The following OR2L3 variants were observed in gnomAD, a reference collection of about 807,000 sequenced individuals.
OR2L3 encodes the protein olfactory receptor family 2 subfamily L member 3.
For missense variants in OR2L3, 369 were observed against 376.6 expected (o/e 0.98, Z 0.17); for synonymous variants, 131 against 139.1 (o/e 0.94, Z 0.41).
At chr1:248,059,706 T>A (rs1663560337) in intron 1 of OR2L3, among the ~76,000 whole-genome samples, 1 of 152,182 alleles carries the variant, frequency 6.6e-6, no homozygotes, top group Non-Finnish European at 1.5e-5. Context: ...TTCAAGTTTC[T>A]CAAAATAGCA....
At position 248,061,379 on chromosome 1, in the gene OR2L3, G is replaced by A. The variant is rs763274602; in HGVS notation, c.698G>A (p.Arg233Lys). 17 of 1,613,968 alleles carry A rather than the reference G, an allele frequency of 1.1e-5. No individual in the cohort carries two copies. The highest frequency in any genetic ancestry group is 6.7e-5 in the Admixed American group (4 of 59,992). Residue 233 changes from arginine to lysine, a missense_variant, in exon 2 of 2, where the codon AGG becomes AAG. By Grantham distance (26) the Arg-to-Lys change is conservative (BLOSUM62 2). Coordinates refer to ENST00000359959, the MANE Select transcript of OR2L3 (RefSeq NM_001004687.2). ...TACCACATGAAATCTGCAGAAGGGA[G>A]GAAGAAAGCCTACCTGACCTGCAGC... is the stretch of plus-strand genomic sequence containing the variant. ...AVYHMKSAEG[R>K]KKAYLTCSTH...
chr1:248,061,386 A>G lies in OR2L3; in HGVS notation c.705A>G (p.Lys235=), dbSNP rs751729451. Residue 235 remains lysine (K), a synonymous_variant, in exon 2 of 2, where the codon AAA becomes AAG. Transcript: ENST00000359959. ...TGAAATCTGCAGAAGGGAGGAAGAAAGCCTACCTGACCTGCAGCACCCACC... is the reference window on the plus strand; with the variant it reads ...TGAAATCTGCAGAAGGGAGGAAGAAGGCCTACCTGACCTGCAGCACCCACC... The part of the protein sequence containing the change: ...YHMKSAEGRK[K]AYLTCSTHLT... 54 of 1,613,908 alleles carry G rather than the reference A, an allele frequency of 3.3e-5. 1 individual carries two copies. The Middle Eastern group carries it at 2.5e-3, about 74-fold the overall frequency.
intron 1 of OR2L3, among the ~76,000 whole-genome samples, chr1:248,053,109 C>T (rs933411025): frequency 1.3e-4 from 20 of 152,058 alleles, no homozygotes; most frequent in African/African-American, 4.8e-4. Context: ...TCCCCTCCAC[C>T]GCCCTCCCAC....
In OR2L3 at chr1:248,062,600, G is replaced by A. The variant is rs1663679400; in HGVS notation, c.*980G>A. On this transcript the variant is annotated 3_prime_UTR_variant, in exon 2 of 2. Coordinates refer to ENST00000359959, the MANE Select transcript of OR2L3 (RefSeq NM_001004687.2). ...TACAGGGGAGGGACGATAAAGTGGG[G>A]ATGGCTAATAGTTGCAAAAATATAA... 1 of 152,222 alleles carries A rather than the reference G, an allele frequency of 6.6e-6. No individual in the cohort carries two copies. The highest frequency in any genetic ancestry group is 2.1e-4 in the South Asian group (1 of 4,832). 9.4% of individuals were successfully genotyped at this position (152,222 alleles called of 1,614,324 possible). A position where few individuals can be genotyped will look rare whatever the true frequency, so the allele number is the denominator to read the frequency against.
At chr1:248,052,755 A>G (rs1663310613) in intron 1 of OR2L3, among the ~76,000 whole-genome samples, 2 of 152,108 alleles carry the variant, frequency 1.3e-5, no homozygotes, top group South Asian at 4.2e-4. Context: ...ATCAGATTGT[A>G]TGAGTCTTTA....
At position 248,062,956 on chromosome 1, in the gene OR2L3, T is replaced by C. The variant is rs977248054; in HGVS notation, c.*1336T>C. On this transcript the variant is annotated 3_prime_UTR_variant, in exon 2 of 2. Coordinates refer to ENST00000359959, the MANE Select transcript of OR2L3 (RefSeq NM_001004687.2). ...TTCTCTGTTCTGTTTCACTGTTCTA[T>C]GTGTCTGTTTTTATGCCAGTACCAT... is the stretch of plus-strand genomic sequence containing the variant. 3.3e-5 allele frequency: 5 copies of C among 152,240 alleles called. No homozygotes were observed. Among genetic ancestry groups the C allele is most frequent in the Non-Finnish European group, 5.9e-5 (4 of 68,034 alleles). 9.4% of individuals were successfully genotyped at this position (152,240 alleles called of 1,614,324 possible). A position where few individuals can be genotyped will look rare whatever the true frequency, so the allele number is the denominator to read the frequency against.
At chr1:248,050,104 A>G (rs74153043) in intron 1 of OR2L3, among the ~76,000 whole-genome samples, 4,787 of 152,210 alleles carry the variant, frequency 0.031, 225 homozygotes, top group African/African-American at 0.11. Context: ...AGTCTGTGAA[A>G]GTTCACGCCT....
rs1218728273 is a variant in OR2L3, at chr1:248,061,515, C to A, written c.834C>A (p.Thr278=). The A allele has an allele frequency of 1.2e-6, 2 of 1,613,864 alleles. No individual in the cohort carries two copies. The highest frequency in any genetic ancestry group is 3.3e-5 in the Admixed American group (2 of 59,982). ...TEDKVLAVFY[T]TLTPMLNPII... ...ACAAGGTTCTGGCTGTCTTCTACAC[C>A]ACCCTCACTCCAATGCTCAACCCCA... Residue 278 remains threonine (T), a synonymous_variant, in exon 2 of 2, where the codon ACC becomes ACA. Transcript: ENST00000359959.
At chr1:248,051,332 G>A (rs1663258717) in intron 1 of OR2L3, 1 of 152,106 alleles carries the variant, frequency 6.6e-6, no homozygotes, top group Non-Finnish European at 1.5e-5. Context: ...TGTAGCATGT[G>A]TCAAAATTTC....
chr1:248,060,472 C>T (rs1347717554), intron 1 of OR2L3, among the ~76,000 whole-genome samples, 189 bp from the exon 2 acceptor site: 1 of 152,066 alleles, frequency 6.6e-6, no homozygotes, highest in Non-Finnish European at 1.5e-5. Context: ...ATAAGTTACT[C>T]TTGTTTATCT....
Position 248,060,672 on chromosome 1 carries a change from C to A in OR2L3, c.-10C>A. The stretch of plus-strand genomic sequence containing the variant: ...GTGTCTCCCTTCAGGAAAGAGCACA[C>A]GAATGCCCCATGGAAAATTACAATC... On this transcript the variant is annotated 5_prime_UTR_variant, in exon 2 of 2. Transcript: ENST00000359959. 2 of 1,601,956 alleles carry A rather than the reference C, an allele frequency of 1.2e-6. No individual in the cohort carries two copies. The highest frequency in any genetic ancestry group is 1.7e-6 in the Non-Finnish European group (2 of 1,171,744).
chr1:248,060,084 T>C (rs1663574797), intron 1 of OR2L3, among the ~76,000 whole-genome samples: 1 of 152,056 alleles, frequency 6.6e-6, no homozygotes, highest in African/African-American at 2.4e-5. Flanking sequence ...TAGATCATCC[T>C]ATAAAGATAA....
intron 1 of OR2L3, among the ~76,000 whole-genome samples, chr1:248,057,030 T>A (rs981937360): frequency 1.3e-5 from 2 of 152,056 alleles, no homozygotes; most frequent in African/African-American, 4.8e-5. Context: ...AGTTCTTTTG[T>A]ATTTGCTGAG....
intron 1 of OR2L3, among the ~76,000 whole-genome samples, chr1:248,058,600 A>G (rs1233904619): frequency 6.6e-6 from 1 of 152,004 alleles, no homozygotes. Context: ...CTTGTGGGTA[A>G]TATTTAGAAT....
At chr1:248,052,501 G>T (rs1249374732) in intron 1 of OR2L3, among the ~76,000 whole-genome samples, 2 of 152,128 alleles carry the variant, frequency 1.3e-5, no homozygotes, top group Non-Finnish European at 2.9e-5. Context: ...GGCCGAGCCG[G>T]GCAGATCACA....
At chr1:248,059,236 T>A (rs1381887122) in intron 1 of OR2L3, among the ~76,000 whole-genome samples, 1 of 152,184 alleles carries the variant, frequency 6.6e-6, no homozygotes, top group African/African-American at 2.4e-5. Context: ...GGCTCTAGAC[T>A]AATATTTAAG....
At chr1:248,059,088 CT>C (rs150460244) in intron 1 of OR2L3, among the ~76,000 whole-genome samples, 2,158 of 152,240 alleles carry the variant, frequency 0.014, 62 homozygotes, top group African/African-American at 0.048. Flanking sequence ...TTCATTCTTT[CT>C]GCATTTTTAA....
At position 248,061,299 on chromosome 1, in the gene OR2L3, C is replaced by G. The variant is rs765162810; in HGVS notation, c.618C>G (p.Leu206=). Reference sequence around the variant, plus strand: ...TGTTTTTGAGCACCACCATCTTTCTCGTGTTTCCCTTCATTGCTATTTCAT... The same window carrying G: ...TGTTTTTGAGCACCACCATCTTTCTGGTGTTTCCCTTCATTGCTATTTCAT... The part of the protein sequence containing the change: ...GTVFLSTTIF[L]VFPFIAISCS... Residue 206 remains leucine (L), a synonymous_variant, in exon 2 of 2, where the codon CTC becomes CTG. Transcript: ENST00000359959. The G allele has an allele frequency of 6.2e-7, 1 of 1,612,460 alleles. No individual in the cohort carries two copies. Among genetic ancestry groups the G allele is most frequent in the Admixed American group, 1.7e-5 (1 of 59,922 alleles).
intron 1 of OR2L3, among the ~76,000 whole-genome samples, chr1:248,049,920 G>C (rs975535567): frequency 7.2e-5 from 11 of 152,054 alleles, no homozygotes; most frequent in Admixed American, 2.0e-4. Flanking sequence ...ATGTATATAT[G>C]CATATATGTA....
Sources: gnomAD v4.1 joint callset for allele counts (sites outside exome capture counted in the v4.1 genomes callset) on GRCh38, gnomAD v4.1.1 for gene constraint, MANE v1.5 for transcripts, NCBI Gene and HGNC (gene_info 2026-07-23, HGNC 2026-07-21) for gene names.